PNLDC1: variants seen among roughly 807,000 people sequenced by gnomAD.
PNLDC1 encodes the protein poly(A)-specific ribonuclease PNLDC1.
A neutral mutation model predicts 82.0 loss-of-function variants in PNLDC1; 70 were observed. The observed-to-expected ratio is 0.85, with a 90% CI of 0.70 to 1.04. The LOEUF (loss-of-function observed/expected upper bound fraction) is 1.04. PNLDC1 is among the 50% of genes least tolerant of loss of function. PNLDC1 has a pLI of 0.00. For synonymous variants in PNLDC1, 280 were observed against 249.3 expected (o/e 1.12, Z -1.16); for missense variants, 631 against 661.1 (o/e 0.95, Z 0.50).
chr6:159,800,824 G>C lies in PNLDC1; in HGVS notation c.129G>C (p.Gln43His). Reference sequence around the variant, plus strand: ...GTTCTAACCTGTCTGGGCCCCAGCAGATCAGGTAAAACTAAAGCTGTGTCC... The same window carrying C: ...GTTCTAACCTGTCTGGGCCCCAGCACATCAGGTAAAACTAAAGCTGTGTCC... ...GLRSNLSGPQQISLFDLPSEW... is the reference protein window; with the variant it reads ...GLRSNLSGPQHISLFDLPSEW... Residue 43 changes from glutamine to histidine, a missense_variant, in exon 2 of 19, where the codon CAG (glutamine) becomes CAC (histidine). By Grantham distance (24) the Gln-to-His change is conservative (BLOSUM62 0). Coordinates refer to ENST00000392167, the MANE Select transcript of PNLDC1 (RefSeq NM_001271862.2). 7 of 1,614,172 alleles carry C rather than the reference G, an allele frequency of 4.3e-6. No individual in the cohort carries two copies. The highest frequency in any genetic ancestry group is 5.9e-6 in the Non-Finnish European group (7 of 1,180,032).
At chr6:159,810,812 C>A (rs1200766213) in intron 10 of PNLDC1, among the ~76,000 whole-genome samples, 1 of 152,144 alleles carries the variant, frequency 6.6e-6, no homozygotes, top group African/African-American at 2.4e-5. Context: ...GTTTTAGGAG[C>A]CATTTCCCCA....
chr6:159,817,712 G>T (rs111909049), intron 15 of PNLDC1, among the ~76,000 whole-genome samples: 1 of 152,242 alleles, frequency 6.6e-6, no homozygotes, highest in African/African-American at 2.4e-5. Context: ...CTACAGCACC[G>T]TCCTTGGCAT....
chr6:159,804,340 G>A (rs1781370497), intron 5 of PNLDC1, among the ~76,000 whole-genome samples: 1 of 152,174 alleles, frequency 6.6e-6, no homozygotes, highest in African/African-American at 2.4e-5. Context: ...CTAGCCTCAG[G>A]CAATCCACCT....
In PNLDC1 at chr6:159,804,603, C is replaced by A. The variant is rs551434751; in HGVS notation, c.427C>A (p.His143Asn). The A allele has an allele frequency of 1.2e-6, 2 of 1,611,308 alleles. No individual in the cohort carries two copies. The highest frequency in any genetic ancestry group is 2.2e-5 in the East Asian group (1 of 44,856). ...MNEEQEKKIR[H>N]DILTGNWRVR... ...TGAAGAACAGGAGAAGAAAATTAGA[C>A]ACGATATCCTGACTGGGAACTGGAG... Residue 143 changes from histidine (H) to asparagine (N), a missense_variant, in exon 6 of 19, where the codon CAC becomes AAC. Coordinates refer to ENST00000392167, the MANE Select transcript of PNLDC1 (RefSeq NM_001271862.2).
At position 159,807,800 on chromosome 6, in the gene PNLDC1, G is replaced by T. The variant is rs1444849939; in HGVS notation, c.563-940G>T. On this transcript the variant is annotated intron_variant, in intron 7 of 18. Coordinates refer to ENST00000392167, the MANE Select transcript of PNLDC1 (RefSeq NM_001271862.2). ...ATTCCACAGTGCAATTAATCTTTAA[G>T]AAACTACCACTTGTTGAGTTTGGTA... Among the ~76,000 whole-genome samples, 3 of 152,160 alleles carry T rather than the reference G, an allele frequency of 2.0e-5. No homozygotes were observed. In the East Asian group the frequency reaches 5.8e-4, roughly 29 times the overall value.
chr6:159,808,642 A>G (rs1781536804), intron 7 of PNLDC1, 98 bp from the exon 8 acceptor site: 2 of 1,148,256 alleles, frequency 1.7e-6, no homozygotes. Flanking sequence ...TTTCCACTTG[A>G]CCTTTCCATC....
upstream of PNLDC1, among the ~76,000 whole-genome samples, chr6:159,799,983 G>C (rs13209678): frequency 0.47 from 71,715 of 151,996 alleles, 17,958 homozygotes; most frequent in Non-Finnish European, 0.55. Context: ...CTCTGTCTTC[G>C]TCTCCTGCCA....
intron 7 of PNLDC1, among the ~76,000 whole-genome samples, chr6:159,806,587 G>A (rs979949547): frequency 6.6e-6 from 1 of 152,252 alleles, no homozygotes; most frequent in African/African-American, 2.4e-5. Flanking sequence ...AAGCGATGTC[G>A]GACAAAGCTG....
chr6:159,803,958 A>ATT lies in PNLDC1; in HGVS notation c.249-6_249-5dup. The stretch of plus-strand genomic sequence containing the variant: ...GGCTTTTTCTCTGTATGTTTGTTTT[A>ATT]TTATAGGTATATAGCCCATTCTTGT... On this transcript the variant is annotated splice_region_variant and splice_polypyrimidine_tract_variant and intron_variant, in intron 4 of 18. Transcript: ENST00000392167. 6.2e-7 allele frequency: 1 copy of ATT among 1,608,652 alleles called. No homozygotes were observed. The highest frequency in any genetic ancestry group is 2.2e-5 in the East Asian group (1 of 44,852).
chr6:159,800,570 C>A, intron 1 of PNLDC1, 187 bp downstream of exon 1: 2 of 1,425,924 alleles, frequency 1.4e-6, no homozygotes, highest in Non-Finnish European at 1.9e-6. Flanking sequence ...CCGAGCCCCA[C>A]GTCCCTTGTT....
chr6:159,817,816 G>A (rs1781887592), intron 15 of PNLDC1, among the ~76,000 whole-genome samples: 1 of 152,210 alleles, frequency 6.6e-6, no homozygotes, highest in South Asian at 2.1e-4. Flanking sequence ...TATCTTTTTG[G>A]ACTATGATCT....
In PNLDC1 at chr6:159,808,759, C is replaced by T; in HGVS notation, c.582C>T (p.Val194=). The change falls in exon 8 of 19, where the codon GTC becomes GTT. Residue 194 remains valine, a synonymous_variant. Coordinates refer to ENST00000392167, the MANE Select transcript of PNLDC1 (RefSeq NM_001271862.2). The part of the protein sequence containing the change: ...PGITGFQAFE[V]QLVLRQALPN... ...CTGCAGGCTTCCAGGCCTTTGAGGT[C>T]CAACTGGTGCTGAGGCAGGCCCTCC... 1 of 1,613,880 alleles carries T rather than the reference C, an allele frequency of 6.2e-7. No individual in the cohort carries two copies. Among genetic ancestry groups the T allele is most frequent in the South Asian group, 1.1e-5 (1 of 90,974 alleles).
intron 9 of PNLDC1, 34 bp from the exon 10 acceptor site, chr6:159,809,992 T>C: frequency 6.4e-7 from 1 of 1,568,758 alleles, no homozygotes; most frequent in South Asian, 1.1e-5. Flanking sequence ...TACATTTTTT[T>C]ATTTTCTCTC....
chr6:159,802,364 C>T (rs548207136), intron 3 of PNLDC1, among the ~76,000 whole-genome samples: 8 of 151,906 alleles, frequency 5.3e-5, no homozygotes, highest in Non-Finnish European at 1.0e-4. Context: ...GGAGATCCTC[C>T]AGTCTCAGCT....
intron 3 of PNLDC1, 40 bp downstream of exon 3, chr6:159,801,226 A>G (rs746460245): frequency 6.4e-7 from 1 of 1,560,688 alleles, no homozygotes; most frequent in Non-Finnish European, 8.8e-7. Flanking sequence ...TCAAGAAGGT[A>G]TTTTTATTGT....
intron 5 of PNLDC1, 49 bp downstream of exon 5, chr6:159,804,137 G>C (rs1781361849): frequency 1.9e-6 from 3 of 1,599,644 alleles, no homozygotes; most frequent in Non-Finnish European, 2.6e-6. Context: ...TTGTTTCTGA[G>C]ATGGAGTCTC....
intron 7 of PNLDC1, among the ~76,000 whole-genome samples, chr6:159,807,279 G>T (rs1377773828): frequency 6.6e-6 from 1 of 152,100 alleles, no homozygotes; most frequent in Non-Finnish European, 1.5e-5. Flanking sequence ...AAAAGAGCTT[G>T]TTGGCCAGGT....
chr6:159,820,613 G>A lies in PNLDC1; in HGVS notation c.*96G>A, dbSNP rs559140408. The A allele has an allele frequency of 8.0e-5, 94 of 1,177,636 alleles. No homozygotes were observed. The South Asian group carries it at 1.0e-3, about 13-fold the overall frequency. 72.9% of individuals were successfully genotyped at this position (1,177,636 alleles called of 1,614,324 possible). On this transcript the variant is annotated 3_prime_UTR_variant, in exon 19 of 19. Coordinates refer to ENST00000392167, the MANE Select transcript of PNLDC1 (RefSeq NM_001271862.2). ...GTAAATCAGATTCTGTTTGCAGATG[G>A]ATCTGTTTGGTCTTTTCTAGAAATT...
chr6:159,806,179 G>C, intron 7 of PNLDC1, 96 bp downstream of exon 7: 1 of 915,760 alleles, frequency 1.1e-6, no homozygotes, highest in Non-Finnish European at 1.8e-6. Context: ...TTGGGATCCT[G>C]GTCCCAAGTG....
Sources: allele counts gnomAD v4.1 joint callset (sites outside exome capture counted in the v4.1 genomes callset), GRCh38; gene constraint gnomAD v4.1.1; transcripts MANE v1.5; gene names NCBI Gene and HGNC (gene_info 2026-07-23, HGNC 2026-07-21).